The following XKR9 variants were observed in gnomAD, a reference collection of about 807,000 sequenced individuals.
XKR9 encodes XK-related protein 9.
In XKR9, 32 loss-of-function variants were observed where a neutral mutation model predicts 32.0. That is an observed-to-expected ratio of 1.00 (90% confidence interval 0.76 to 1.34). XKR9 has a LOEUF of 1.34. Among genes scored for constraint, XKR9 ranks in the 40% most tolerant of loss-of-function variants. The pLI is 0.00. For synonymous variants in XKR9, 168 were observed against 143.4 expected (o/e 1.17, Z -1.22); for missense variants, 546 against 429.7 (o/e 1.27, Z -2.39).
In XKR9 at chr8:70,744,914, T is replaced by G; in HGVS notation, n.352+37761T>G. ...AGTTACCATGCCAGCCTGAATGATT[T>G]ATTTGCCTATGATATAGTTTTTTAA... On this transcript the variant is annotated intron_variant and non_coding_transcript_variant, in intron 2 of 3. Transcript: ENST00000520273. 1.3e-5 allele frequency among the ~76,000 whole-genome samples: 2 copies of G among 150,230 alleles called. 1 individual carries two copies. The highest frequency in any genetic ancestry group is 3.0e-5 in the Non-Finnish European group (2 of 67,172).
the XKR9 span, among the ~76,000 whole-genome samples, chr8:70,937,200 CT>C: frequency 2.0e-5 from 3 of 151,822 alleles, no homozygotes; most frequent in Non-Finnish European, 4.4e-5. Flanking sequence ...GAGATAAAAC[CT>C]GTTTTTAAGT....
intron 4 of XKR9, among the ~76,000 whole-genome samples, chr8:70,726,485 C>G (rs1212837666): frequency 1.3e-5 from 2 of 152,188 alleles, no homozygotes; most frequent in African/African-American, 4.8e-5. Flanking sequence ...TGCCCAAACT[C>G]TTGCACCCAG....
At chr8:70,909,735 G>A in the XKR9 span, among the ~76,000 whole-genome samples, 1 of 112,514 alleles carries the variant, frequency 8.9e-6, no homozygotes, top group African/African-American at 3.4e-5. Flanking sequence ...TTTTAACAGA[G>A]TCTCACTCTG....
At chr8:70,844,147 A>G in the XKR9 span, among the ~76,000 whole-genome samples, 1 of 152,210 alleles carries the variant, frequency 6.6e-6, no homozygotes, top group Admixed American at 6.5e-5. Context: ...AGGGAAAGTT[A>G]CCACAGACAG....
intron 4 of XKR9, among the ~76,000 whole-genome samples, chr8:70,717,461 C>T (rs1806129750): frequency 6.6e-6 from 1 of 152,152 alleles, no homozygotes; most frequent in Non-Finnish European, 1.5e-5. Context: ...TTCTGCAGGC[C>T]CAGTACCACT....
intron 2 of XKR9, chr8:70,781,029 C>T (rs773157661): frequency 2.6e-5 from 4 of 151,964 alleles, no homozygotes; most frequent in East Asian, 1.9e-4. Context: ...TCACTATCCT[C>T]GGACCAACGA....
At chr8:70,988,910 A>G in the XKR9 span, among the ~76,000 whole-genome samples, 2 of 152,142 alleles carry the variant, frequency 1.3e-5, no homozygotes, top group Admixed American at 1.3e-4. Flanking sequence ...GTGGAATCGT[A>G]TAGGATTTGT....
chr8:70,764,850 T>C (rs1479707851), intron 2 of XKR9, among the ~76,000 whole-genome samples: 1 of 152,200 alleles, frequency 6.6e-6, no homozygotes, highest in Non-Finnish European at 1.5e-5. Context: ...TGTTTGGTTT[T>C]CTGTTCCTGT....
the XKR9 span, among the ~76,000 whole-genome samples, chr8:70,981,138 G>A: frequency 4.4e-4 from 67 of 152,096 alleles, no homozygotes; most frequent in Admixed American, 8.5e-4. Flanking sequence ...TTTTTGCGAT[G>A]AATTTCCCAG....
chr8:70,755,719 T>C (rs1235009562), intron 2 of XKR9, among the ~76,000 whole-genome samples: 1 of 118,348 alleles, frequency 8.4e-6, no homozygotes, highest in African/African-American at 3.3e-5. Flanking sequence ...TGAGAACCCA[T>C]GGACACGGGA....
At chr8:70,703,395 A>T (rs1029980671) in intron 3 of XKR9, among the ~76,000 whole-genome samples, 7 of 152,142 alleles carry the variant, frequency 4.6e-5, no homozygotes, top group African/African-American at 1.4e-4. Flanking sequence ...TTTATTTCTC[A>T]GTTCTGGTGG....
intron 2 of XKR9, among the ~76,000 whole-genome samples, chr8:70,777,930 T>C (rs770265283): frequency 6.6e-6 from 1 of 152,220 alleles, no homozygotes; most frequent in African/African-American, 2.4e-5. Flanking sequence ...GATAGTTTCT[T>C]TTGCTGTGCA....
the XKR9 span, among the ~76,000 whole-genome samples, chr8:71,039,310 C>T: frequency 6.6e-6 from 1 of 152,146 alleles, no homozygotes; most frequent in Non-Finnish European, 1.5e-5. Context: ...ATTTAATGCA[C>T]CTAATGTCCC....
intron 2 of XKR9, among the ~76,000 whole-genome samples, chr8:70,788,559 C>T (rs902580831): frequency 2.6e-5 from 4 of 152,010 alleles, no homozygotes; most frequent in African/African-American, 9.7e-5. Flanking sequence ...CAAGTCTGTA[C>T]TGAATTATTT....
the XKR9 span, among the ~76,000 whole-genome samples, chr8:70,915,763 T>G: frequency 6.6e-6 from 1 of 152,194 alleles, no homozygotes; most frequent in African/African-American, 2.4e-5. Context: ...TTTGACATAT[T>G]TTGAGATGGG....
the XKR9 span, among the ~76,000 whole-genome samples, chr8:70,844,656 G>C: frequency 6.6e-6 from 1 of 152,184 alleles, no homozygotes. Context: ...CTGGGGTCTT[G>C]GGGATTGCCC....
the XKR9 span, among the ~76,000 whole-genome samples, chr8:70,987,686 G>T: frequency 6.6e-6 from 1 of 152,154 alleles, no homozygotes; most frequent in East Asian, 1.9e-4. Context: ...CCATTCTGGG[G>T]TCTGGAGGAT....
chr8:70,724,001 A>C (rs1299621924), intron 4 of XKR9, among the ~76,000 whole-genome samples: 1 of 150,294 alleles, frequency 6.7e-6, no homozygotes, highest in Non-Finnish European at 1.5e-5. Context: ...CCCTTTACCG[A>C]GGTGTTCTGT....
intron 4 of XKR9, among the ~76,000 whole-genome samples, chr8:70,719,287 G>C (rs1563446039): frequency 6.6e-6 from 1 of 152,122 alleles, no homozygotes; most frequent in East Asian, 1.9e-4. Context: ...TTCTTTTGCT[G>C]TGCAGAGCCT....
Sources: gnomAD v4.1 joint callset for allele counts (sites outside exome capture counted in the v4.1 genomes callset) on GRCh38, gnomAD v4.1.1 for gene constraint, MANE v1.5 for transcripts, NCBI Gene and HGNC (gene_info 2026-07-23, HGNC 2026-07-21) for gene names.